Variants in ZNF804B observed in about 807,000 individuals in gnomAD.
ZNF804B encodes the protein zinc finger 804B.
A neutral mutation model predicts 101.4 loss-of-function variants in ZNF804B; 80 were observed. That is an observed-to-expected ratio of 0.79 (90% CI 0.66 to 0.95). The LOEUF (loss-of-function observed/expected upper bound fraction) is 0.95. Among genes scored for constraint, ZNF804B ranks in the 40% least tolerant of loss-of-function variants. The pLI, the probability that ZNF804B is intolerant of heterozygous loss-of-function variation, is 0.00. For missense variants in ZNF804B, 1,673 were observed against 1,561.9 expected (o/e 1.07, Z -1.20); for synonymous variants, 622 against 558.8 (o/e 1.11, Z -1.59).
At chr7:88,772,978 T>A (rs974126031) in intron 1 of ZNF804B, among the ~76,000 whole-genome samples, 1 of 152,192 alleles carries the variant, frequency 6.6e-6, no homozygotes, top group Non-Finnish European at 1.5e-5. Context: ...AAGCCCAGAA[T>A]ACTTTGATCT....
At chr7:88,830,758 G>A (rs917218866) in intron 1 of ZNF804B, among the ~76,000 whole-genome samples, 1 of 151,794 alleles carries the variant, frequency 6.6e-6, no homozygotes, top group African/African-American at 2.4e-5. Context: ...GTGCATATGT[G>A]TGTGTATTTC....
intron 1 of ZNF804B, among the ~76,000 whole-genome samples, chr7:88,857,963 C>T (rs568742051): frequency 6.7e-6 from 1 of 148,856 alleles, no homozygotes; most frequent in South Asian, 2.2e-4. Flanking sequence ...GTTGGGATTA[C>T]AGGCTTGTGC....
chr7:88,827,064 A>G (rs1470061541), intron 1 of ZNF804B, among the ~76,000 whole-genome samples: 9 of 152,110 alleles, frequency 5.9e-5, no homozygotes, highest in Admixed American at 4.6e-4. Flanking sequence ...TTTTGTGACC[A>G]TTATGTCTGC....
At chr7:89,255,805 A>G (rs1409638922) in intron 2 of ZNF804B, among the ~76,000 whole-genome samples, 1 of 152,226 alleles carries the variant, frequency 6.6e-6, no homozygotes, top group African/African-American at 2.4e-5. Flanking sequence ...AGTGTTTCTA[A>G]TATTTACAAC....
At chr7:88,788,143 C>T (rs1790329847) in intron 1 of ZNF804B, among the ~76,000 whole-genome samples, 1 of 152,022 alleles carries the variant, frequency 6.6e-6, no homozygotes, top group Non-Finnish European at 1.5e-5. Context: ...GTGCAGATGC[C>T]TGTGGGGTTC....
chr7:88,900,119 A>G (rs1792366263), intron 1 of ZNF804B, among the ~76,000 whole-genome samples: 1 of 152,120 alleles, frequency 6.6e-6, no homozygotes, highest in Non-Finnish European at 1.5e-5. Flanking sequence ...TATATTTAAA[A>G]TACTTATTTT....
intron 1 of ZNF804B, among the ~76,000 whole-genome samples, chr7:89,180,656 C>A (rs535034840): frequency 1.3e-5 from 2 of 151,946 alleles, no homozygotes; most frequent in Admixed American, 1.3e-4. Context: ...ATGACAAAGA[C>A]TTCTTTACTC....
intron 1 of ZNF804B, among the ~76,000 whole-genome samples, chr7:88,924,454 A>T (rs1244580250): frequency 1.3e-5 from 2 of 152,158 alleles, no homozygotes; most frequent in Non-Finnish European, 2.9e-5. Context: ...GACATTAATC[A>T]TGTATCTCAA....
intron 3 of ZNF804B, among the ~76,000 whole-genome samples, chr7:89,330,590 G>T (rs1295820280): frequency 6.6e-6 from 1 of 151,072 alleles, no homozygotes; most frequent in East Asian, 1.9e-4. Context: ...GATAAAAACA[G>T]GATTTTCCAA....
intron 2 of ZNF804B, among the ~76,000 whole-genome samples, chr7:89,294,367 A>G (rs1790347125): frequency 6.6e-6 from 1 of 152,216 alleles, no homozygotes; most frequent in Non-Finnish European, 1.5e-5. Context: ...ATTTTCCCTC[A>G]GAATGATACT....
chr7:89,104,044 A>T (rs1237181753), intron 1 of ZNF804B, among the ~76,000 whole-genome samples: 1 of 151,948 alleles, frequency 6.6e-6, no homozygotes, highest in East Asian at 1.9e-4. Flanking sequence ...ATTGATTTGC[A>T]TTTGCTGAAC....
At chr7:88,932,611 G>T (rs1276401746) in intron 1 of ZNF804B, among the ~76,000 whole-genome samples, 1 of 151,648 alleles carries the variant, frequency 6.6e-6, no homozygotes, top group South Asian at 2.1e-4. Context: ...CAAGGCTACT[G>T]TGAACACCTT....
chr7:88,966,604 T>C (rs1793458422), intron 1 of ZNF804B, among the ~76,000 whole-genome samples: 1 of 151,574 alleles, frequency 6.6e-6, no homozygotes, highest in Admixed American at 6.6e-5. Flanking sequence ...ATTTGTAGAA[T>C]AAATAAGAGA....
rs896578711 is a variant in ZNF804B at position 89,337,544 on chromosome 7, A to G, written c.*512A>G. Reference sequence around the variant, plus strand: ...TAATGTAGTCTGTTACTGTATTTTCATAGGAAATAAGAACAAGACATTTTC... The same window carrying G: ...TAATGTAGTCTGTTACTGTATTTTCGTAGGAAATAAGAACAAGACATTTTC... On this transcript the variant is annotated 3_prime_UTR_variant, in exon 4 of 4. Coordinates refer to ENST00000333190, the MANE Select transcript of ZNF804B (RefSeq NM_181646.5). 5.3e-5 allele frequency among the ~76,000 whole-genome samples: 8 copies of G among 152,170 alleles called. No homozygotes were observed. In the East Asian group the frequency reaches 5.8e-4, roughly 11 times the overall value.
At chr7:88,813,412 G>A (rs1790822380) in intron 1 of ZNF804B, among the ~76,000 whole-genome samples, 2 of 141,806 alleles carry the variant, frequency 1.4e-5, no homozygotes, top group African/African-American at 5.4e-5. Flanking sequence ...GCCAAAGAGC[G>A]AGACTCCATC....
chr7:89,310,905 G>A (rs1159755277), intron 2 of ZNF804B, among the ~76,000 whole-genome samples: 2 of 152,152 alleles, frequency 1.3e-5, no homozygotes, highest in African/African-American at 2.4e-5. Context: ...AAATAAAGAC[G>A]GCTTCATGTC....
At chr7:89,195,759 T>C (rs1026541301) in intron 1 of ZNF804B, among the ~76,000 whole-genome samples, 2 of 149,066 alleles carry the variant, frequency 1.3e-5, no homozygotes, top group Non-Finnish European at 3.0e-5. Context: ...ACACCTACAG[T>C]AGGCAAGCAG....
intron 1 of ZNF804B, among the ~76,000 whole-genome samples, chr7:88,857,853 T>TTTTTTTTTTTTTTTTTCC (rs1791594326): frequency 7.6e-6 from 1 of 130,768 alleles, no homozygotes; most frequent in African/African-American, 3.1e-5. Flanking sequence ...TTTTTTTTTG[T>TTTTTTTTTTTTTTTTTCC]CACTGCTGCC....
chr7:88,766,641 G>A (rs1038559422), intron 1 of ZNF804B, among the ~76,000 whole-genome samples: 3 of 152,128 alleles, frequency 2.0e-5, no homozygotes, highest in Admixed American at 6.6e-5. Context: ...CTCATCTCCT[G>A]TTCCTAGTCC....
Sources: gnomAD v4.1 joint callset for allele counts (sites outside exome capture counted in the v4.1 genomes callset) on GRCh38, gnomAD v4.1.1 for gene constraint, MANE v1.5 for transcripts, NCBI Gene and HGNC (gene_info 2026-07-23, HGNC 2026-07-21) for gene names.